COL21A1: variants seen among roughly 807,000 people sequenced by gnomAD.
The protein encoded by COL21A1 is collagen alpha-1(XXI) chain.
In COL21A1, 149 loss-of-function variants were observed where a neutral mutation model predicts 137.9. The ratio of observed to expected loss-of-function variants is 1.08; its 90% CI spans 0.95 to 1.24. COL21A1 has a LOEUF of 1.24. Among genes scored for constraint, COL21A1 ranks in the 50% most tolerant of loss-of-function variants. The pLI, the probability that COL21A1 is intolerant of heterozygous loss-of-function variation, is 0.00. For missense variants in COL21A1, 1,167 were observed against 1,158.4 expected (o/e 1.01, Z -0.11); for synonymous variants, 456 against 391.5 (o/e 1.16, Z -1.95).
At chr6:56,196,401 C>G (rs1779028013) in intron 1 of COL21A1, among the ~76,000 whole-genome samples, 1 of 151,886 alleles carries the variant, frequency 6.6e-6, no homozygotes, top group African/African-American at 2.4e-5. Flanking sequence ...ATGAAGGCAT[C>G]CAAATTGGAA....
intron 1 of COL21A1, among the ~76,000 whole-genome samples, chr6:56,390,495 G>GACAC (rs35424168): frequency 0.12 from 16,641 of 139,602 alleles, 1,200 homozygotes; most frequent in African/African-American, 0.21. Flanking sequence ...TGGCTGAATG[G>GACAC]ACACACACAC....
At chr6:56,168,396 T>A in intron 5 of COL21A1, 99 bp from the exon 6 acceptor site, 1 of 978,696 alleles carries the variant, frequency 1.0e-6, no homozygotes, top group Non-Finnish European at 1.4e-6. Context: ...GCTGAGAAAC[T>A]TCATCCCACA....
Position 56,264,729 on chromosome 6 carries a change from T to C in COL21A1, c.-38-82073A>G, listed in dbSNP as rs1178498700. 2.0e-5 allele frequency among the ~76,000 whole-genome samples: 3 copies of C among 152,306 alleles called. No individual in the cohort carries two copies. In the East Asian group the frequency reaches 5.8e-4, roughly 29 times the overall value. On this transcript the variant is annotated intron_variant, in intron 1 of 28. Transcript: ENST00000370819. Reference sequence around the variant, plus strand: ...GATACTAGTCTGATGTTCTTCTGTTTCATACCATTCTCCTGTACACCCTAA... The same window carrying C: ...GATACTAGTCTGATGTTCTTCTGTTCCATACCATTCTCCTGTACACCCTAA...
intron 17 of COL21A1, among the ~76,000 whole-genome samples, chr6:56,080,886 A>G (rs1031772735): frequency 1.3e-5 from 2 of 151,816 alleles, no homozygotes; most frequent in Non-Finnish European, 2.9e-5. Flanking sequence ...TTCCAATCTG[A>G]TTATCAGTAA....
At chr6:56,355,925 T>C (rs989107644) in intron 1 of COL21A1, among the ~76,000 whole-genome samples, 12 of 152,196 alleles carry the variant, frequency 7.9e-5, no homozygotes, top group Admixed American at 5.9e-4. Flanking sequence ...TGCCCTCAAC[T>C]GAGGCTCTGC....
At chr6:56,355,596 C>A (rs6915291) in intron 1 of COL21A1, among the ~76,000 whole-genome samples, 1 of 151,910 alleles carries the variant, frequency 6.6e-6, no homozygotes, top group Non-Finnish European at 1.5e-5. Flanking sequence ...GGATATTTCA[C>A]GTTATTAAGG....
intron 1 of COL21A1, among the ~76,000 whole-genome samples, chr6:56,287,251 G>A (rs575304764): frequency 1.3e-5 from 2 of 152,228 alleles, no homozygotes; most frequent in South Asian, 4.1e-4. Flanking sequence ...TTTACATTGT[G>A]GCCCTGTGGT....
chr6:56,122,201 T>A (rs6911715), intron 16 of COL21A1, among the ~76,000 whole-genome samples: 1,210 of 110,330 alleles, frequency 0.011, 20 homozygotes, highest in African/African-American at 0.036. Flanking sequence ...AATACACAAA[T>A]CTGCACAAAT....
chr6:56,275,624 A>T (rs1165605405), intron 1 of COL21A1, among the ~76,000 whole-genome samples: 1 of 152,244 alleles, frequency 6.6e-6, no homozygotes, highest in Non-Finnish European at 1.5e-5. Context: ...AAAGATGCTC[A>T]ACATCACTAA....
intron 9 of COL21A1, 101 bp downstream of exon 9, chr6:56,164,318 CAGAT>C (rs1362154049): frequency 1.3e-6 from 1 of 771,684 alleles, no homozygotes; most frequent in East Asian, 2.7e-5. Context: ...TATAAGAAAT[CAGAT>C]AGAAATTTCT....
At chr6:56,089,651 A>G (rs1033946199) in intron 17 of COL21A1, among the ~76,000 whole-genome samples, 6 of 152,212 alleles carry the variant, frequency 3.9e-5, no homozygotes, top group Admixed American at 3.9e-4. Context: ...TCCTGTATAC[A>G]TGGTAAGTTT....
At chr6:56,298,598 G>T (rs1034232084) in intron 1 of COL21A1, among the ~76,000 whole-genome samples, 1 of 152,042 alleles carries the variant, frequency 6.6e-6, no homozygotes, top group East Asian at 1.9e-4. Flanking sequence ...CAGCCCCAAG[G>T]TCTAAAGAGT....
chr6:56,129,847 T>C (rs1773377995), intron 12 of COL21A1, among the ~76,000 whole-genome samples: 1 of 145,442 alleles, frequency 6.9e-6, no homozygotes, highest in South Asian at 2.2e-4. Context: ...AAATAAATTT[T>C]AGGGGAAGAC....
intron 12 of COL21A1, among the ~76,000 whole-genome samples, chr6:56,127,838 T>G (rs1773172093): frequency 6.6e-6 from 1 of 152,190 alleles, no homozygotes; most frequent in East Asian, 1.9e-4. Flanking sequence ...TTCCTCTTGT[T>G]TCCAGTGTCT....
At chr6:56,092,348 A>G (rs1768911333) in intron 17 of COL21A1, among the ~76,000 whole-genome samples, 2 of 152,178 alleles carry the variant, frequency 1.3e-5, no homozygotes, top group Admixed American at 1.3e-4. Flanking sequence ...GTATCCATGC[A>G]GATCCTTTTT....
At chr6:56,342,879 A>T (rs1218572733) in intron 1 of COL21A1, among the ~76,000 whole-genome samples, 1 of 152,208 alleles carries the variant, frequency 6.6e-6, no homozygotes, top group Non-Finnish European at 1.5e-5. Context: ...GCAGGAATCC[A>T]GCAGAATATG....
intron 16 of COL21A1, among the ~76,000 whole-genome samples, chr6:56,122,291 C>G (rs1772616854): frequency 6.6e-6 from 1 of 151,270 alleles, no homozygotes; most frequent in African/African-American, 2.4e-5. Context: ...GGGGAGAGAC[C>G]ACTACATGGG....
At chr6:56,382,951 C>A (rs12202464) in intron 1 of COL21A1, among the ~76,000 whole-genome samples, 1 of 152,098 alleles carries the variant, frequency 6.6e-6, no homozygotes, top group African/African-American at 2.4e-5. Context: ...ACATAGTCCC[C>A]CGACCCATAC....
At chr6:56,367,692 T>C (rs902478842) in intron 1 of COL21A1, among the ~76,000 whole-genome samples, 1 of 152,192 alleles carries the variant, frequency 6.6e-6, no homozygotes, top group African/African-American at 2.4e-5. Flanking sequence ...TTTAAGCTAA[T>C]TCATCTAGTT....
Sources: gnomAD v4.1 joint callset for allele counts (sites outside exome capture counted in the v4.1 genomes callset) on GRCh38, gnomAD v4.1.1 for gene constraint, MANE v1.5 for transcripts, NCBI Gene and HGNC (gene_info 2026-07-23, HGNC 2026-07-21) for gene names.